The following CTNNA3 variants were observed in gnomAD, a reference collection of about 807,000 sequenced individuals.
CTNNA3 encodes the protein catenin alpha-3.
In CTNNA3, 76 loss-of-function variants were observed where a neutral mutation model predicts 95.7. The observed-to-expected ratio is 0.79, with a 90% CI of 0.66 to 0.96. The LOEUF (loss-of-function observed/expected upper bound fraction) is 0.96. CTNNA3 is among the 40% of genes least tolerant of loss of function. The pLI is 0.00. For synonymous variants in CTNNA3, 431 were observed against 374.4 expected, an observed-to-expected ratio of 1.15 and a Z score of -1.74; for missense variants, 1,191 against 1,089.8, an observed-to-expected ratio of 1.09 and a Z score of -1.31.
At chr10:66,965,191 G>A (rs1017336573) in intron 7 of CTNNA3, among the ~76,000 whole-genome samples, 1 of 152,026 alleles carries the variant, frequency 6.6e-6, no homozygotes, top group African/African-American at 2.4e-5. Flanking sequence ...TTAGGTACTA[G>A]TCTCCTCCAG....
At chr10:67,392,549 T>C (rs1844543083) in intron 5 of CTNNA3, among the ~76,000 whole-genome samples, 1 of 152,316 alleles carries the variant, frequency 6.6e-6, no homozygotes, top group African/African-American at 2.4e-5. Flanking sequence ...AGCCATCCCA[T>C]TACTGGGTAT....
At chr10:67,221,849 C>T (rs1414033570) in intron 5 of CTNNA3, among the ~76,000 whole-genome samples, 1 of 152,096 alleles carries the variant, frequency 6.6e-6, no homozygotes, top group African/African-American at 2.4e-5. Context: ...GGAAAAATTT[C>T]TTATTTGCTA....
intron 3 of CTNNA3, among the ~76,000 whole-genome samples, chr10:67,585,025 G>A (rs1311566530): frequency 2.6e-5 from 4 of 152,182 alleles, no homozygotes; most frequent in East Asian, 1.9e-4. Flanking sequence ...TGGGTTAGGC[G>A]ATGCCCCGCC....
At chr10:67,284,250 C>T (rs1230719138) in intron 5 of CTNNA3, among the ~76,000 whole-genome samples, 2 of 152,172 alleles carry the variant, frequency 1.3e-5, no homozygotes, top group Non-Finnish European at 2.9e-5. Flanking sequence ...GTTCTCATTG[C>T]TTTTAAGGAG....
At chr10:67,247,029 C>T (rs1485415020) in intron 5 of CTNNA3, among the ~76,000 whole-genome samples, 2 of 152,156 alleles carry the variant, frequency 1.3e-5, no homozygotes, top group African/African-American at 4.8e-5. Flanking sequence ...AATAAATCTT[C>T]AACCACAGCT....
At chr10:66,882,126 A>G (rs572976826) in intron 7 of CTNNA3, among the ~76,000 whole-genome samples, 15 of 152,174 alleles carry the variant, frequency 9.9e-5, no homozygotes, top group Admixed American at 2.6e-4. Context: ...ATATCAAAAT[A>G]TTTAGCAGCA....
rs78452878 is a variant in CTNNA3, at chr10:66,388,707, G to T, written c.1532-9355C>A. Among the ~76,000 whole-genome samples the T allele has an allele frequency of 3.0e-4, 46 of 152,136 alleles. No individual in the cohort carries two copies. In the East Asian group the frequency reaches 7.7e-3, roughly 26 times the overall value. ...AAATAACGAAAAGAAGCTATAACCA[G>T]ACTTAACCCAAAGCAGCTATAGTAA... On this transcript the variant is annotated intron_variant, in intron 11 of 17. Transcript: ENST00000433211.
In CTNNA3 at chr10:66,359,582, TCATTC is replaced by T. The variant is rs2092637366; in HGVS notation, c.1732+19565_1732+19569del. On this transcript the variant is annotated intron_variant, in intron 12 of 17. Coordinates refer to ENST00000433211, the MANE Select transcript of CTNNA3 (RefSeq NM_013266.4). ...TGAGTATCCTGATTTCTGGATTAAA[TCATTC>T]CCAGACAATAGCATCAATTAGGAGA... 2.0e-5 allele frequency among the ~76,000 whole-genome samples: 3 copies of T among 152,306 alleles called. No individual in the cohort carries two copies. The South Asian group carries it at 6.2e-4, about 32-fold the overall frequency.
intron 12 of CTNNA3, among the ~76,000 whole-genome samples, chr10:66,371,795 A>T (rs2092756463): frequency 6.6e-6 from 1 of 152,092 alleles, no homozygotes; most frequent in African/African-American, 2.4e-5. Context: ...AAGGCCAGGT[A>T]CTCACCCCTA....
intron 7 of CTNNA3, among the ~76,000 whole-genome samples, chr10:66,859,717 G>A (rs1323126341): frequency 6.7e-5 from 9 of 133,862 alleles, no homozygotes; most frequent in African/African-American, 1.4e-4. Context: ...ACATGCACAC[G>A]TATGTTTACT....
chr10:66,924,853 G>A (rs1390120806), intron 7 of CTNNA3, among the ~76,000 whole-genome samples: 1 of 152,124 alleles, frequency 6.6e-6, no homozygotes, highest in Non-Finnish European at 1.5e-5. Context: ...TGAGGCATAG[G>A]GAAGGTAAGT....
intron 5 of CTNNA3, among the ~76,000 whole-genome samples, chr10:67,498,004 T>C (rs1839090413): frequency 6.6e-6 from 1 of 152,242 alleles, no homozygotes; most frequent in Non-Finnish European, 1.5e-5. Flanking sequence ...CACAAAGTCC[T>C]TGCCCATGCC....
At chr10:67,703,710 T>G (rs916924484) in intron 1 of CTNNA3, among the ~76,000 whole-genome samples, 13 of 152,164 alleles carry the variant, frequency 8.5e-5, no homozygotes, top group African/African-American at 2.4e-4. Flanking sequence ...CTTTGAAAAC[T>G]GGCACAAGAC....
chr10:67,285,850 C>T (rs1260925716), intron 5 of CTNNA3, among the ~76,000 whole-genome samples: 1 of 152,108 alleles, frequency 6.6e-6, no homozygotes, highest in East Asian at 1.9e-4. Flanking sequence ...TAATGCAGGA[C>T]TCAATGCAAA....
At chr10:66,880,319 G>A (rs1468884928) in intron 7 of CTNNA3, among the ~76,000 whole-genome samples, 3 of 152,014 alleles carry the variant, frequency 2.0e-5, no homozygotes, top group African/African-American at 7.2e-5. Flanking sequence ...GGAACTAAAA[G>A]CCACATTTAA....
chr10:66,590,255 T>C (rs1366941658), intron 10 of CTNNA3, among the ~76,000 whole-genome samples: 1 of 152,042 alleles, frequency 6.6e-6, no homozygotes, highest in Non-Finnish European at 1.5e-5. Context: ...TCTGAGAGTT[T>C]AAGGTTCAAG....
At chr10:65,956,599 A>G (rs1196835642) in intron 17 of CTNNA3, among the ~76,000 whole-genome samples, 3 of 152,064 alleles carry the variant, frequency 2.0e-5, no homozygotes, top group Non-Finnish European at 4.4e-5. Context: ...CTTTGTTCTC[A>G]TTGGTTTCAA....
At chr10:66,438,662 C>T (rs1468370918) in intron 11 of CTNNA3, among the ~76,000 whole-genome samples, 1 of 152,116 alleles carries the variant, frequency 6.6e-6, no homozygotes, top group Non-Finnish European at 1.5e-5. Flanking sequence ...AGCTAGACCA[C>T]TTGACTCCCT....
intron 11 of CTNNA3, among the ~76,000 whole-genome samples, chr10:66,423,449 G>A (rs1025196668): frequency 5.9e-5 from 9 of 152,114 alleles, no homozygotes; most frequent in Non-Finnish European, 1.3e-4. Flanking sequence ...TCATTTTAAA[G>A]TTCCCCTTGA....
Sources: gnomAD v4.1 joint callset for allele counts (sites outside exome capture counted in the v4.1 genomes callset) on GRCh38, gnomAD v4.1.1 for gene constraint, MANE v1.5 for transcripts, NCBI Gene and HGNC (gene_info 2026-07-23, HGNC 2026-07-21) for gene names.